Variants in CRLF3 observed in about 807,000 individuals in gnomAD.
The protein encoded by CRLF3 is cytokine receptor like factor 3, also known as cytokine receptor-like factor 3.
A neutral mutation model predicts 55.0 loss-of-function variants in CRLF3; 33 were observed. That is an observed-to-expected ratio of 0.60 (90% CI 0.46 to 0.80). CRLF3 has a LOEUF of 0.80. Among genes scored for constraint, CRLF3 ranks in the 30% least tolerant of loss-of-function variants. The pLI is 0.00. For synonymous variants in CRLF3, 238 were observed against 196.8 expected (o/e 1.21, Z -1.75); for missense variants, 494 against 538.4 (o/e 0.92, Z 0.82).
Position 30,793,619 on chromosome 17 carries a change from A to T in CRLF3, c.657T>A (p.Thr219=), listed in dbSNP as rs777368003. Residue 219 remains threonine (T), a synonymous_variant, in exon 5 of 8, where the codon ACT becomes ACA. Coordinates refer to ENST00000324238, the MANE Select transcript of CRLF3 (RefSeq NM_015986.4). The part of the protein sequence containing the change: ...QDYRLQFRKC[T]SNHFEDVYVG... ...CATATACATCCTCAAAATGATTTGA[A>T]GTACATTTACGAAACTGGAGCCTGT... is the stretch of plus-strand genomic sequence containing the variant. 114 of 1,613,994 alleles carry T rather than the reference A, an allele frequency of 7.1e-5. 3 individuals are homozygous for T. In the South Asian group the frequency reaches 1.2e-3, roughly 17 times the overall value.
In CRLF3 at chr17:30,783,413, T is replaced by TC. The variant is rs1396933243; in HGVS notation, c.*773dup. 1.3e-5 allele frequency: 2 copies of TC among 151,860 alleles called. No individual in the cohort carries two copies. The highest frequency in any genetic ancestry group is 2.9e-5 in the Non-Finnish European group (2 of 68,010). 9.4% of individuals were successfully genotyped at this position (151,860 alleles called of 1,614,324 possible). A position where few individuals can be genotyped will look rare whatever the true frequency, so the allele number is the denominator to read the frequency against. On this transcript the variant is annotated 3_prime_UTR_variant, in exon 8 of 8. Transcript: ENST00000324238. The stretch of plus-strand genomic sequence containing the variant: ...GGGTGGAACACCTGAGGTCAGGAGT[T>TC]CAAGACCAGCCTGGCCAACATGGTG...
At chr17:30,824,401 G>T in intron 1 of CRLF3, 122 bp downstream of exon 1, 1 of 905,894 alleles carries the variant, frequency 1.1e-6, no homozygotes, top group Non-Finnish European at 1.5e-6. Context: ...CCTTTCAAAT[G>T]AATGCCTCTT....
At chr17:30,790,555 G>GTTAATGAT (rs1971769826) in intron 6 of CRLF3, 1 of 140,322 alleles carries the variant, frequency 7.1e-6, no homozygotes, top group South Asian at 2.3e-4. Context: ...AAGACTTGCT[G>GTTAATGAT]TTAATGATTC....
Position 30,783,031 on chromosome 17 carries a change from AAT to A in CRLF3, c.*1154_*1155del, listed in dbSNP as rs1160674819. On this transcript the variant is annotated 3_prime_UTR_variant, in exon 8 of 8. Transcript: ENST00000324238. ...CAAATTTAAGTAAGTTTTTAAAAAAAATAAGTATTTACGCTATATTTTTTTGC... is the reference window on the plus strand; with the variant it reads ...CAAATTTAAGTAAGTTTTTAAAAAAAAAGTATTTACGCTATATTTTTTTGC... 1 of 152,200 alleles carries A rather than the reference AAT, an allele frequency of 6.6e-6. No individual in the cohort carries two copies. Among genetic ancestry groups the A allele is most frequent in the East Asian group, 1.9e-4 (1 of 5,206 alleles). 9.4% of individuals were successfully genotyped at this position (152,200 alleles called of 1,614,324 possible).
chr17:30,784,134 G>A lies in CRLF3; in HGVS notation c.*53C>T. 1.3e-6 allele frequency: 2 copies of A among 1,533,766 alleles called. No individual in the cohort carries two copies. Among genetic ancestry groups the A allele is most frequent in the South Asian group, 2.4e-5 (2 of 82,784 alleles). ...TTTTAAAGCAATTACAACTACGCTG[G>A]GCTGAGGACAGCTACGTTAGACCCT... On this transcript the variant is annotated 3_prime_UTR_variant, in exon 8 of 8. Coordinates refer to ENST00000324238, the MANE Select transcript of CRLF3 (RefSeq NM_015986.4).
intron 2 of CRLF3, among the ~76,000 whole-genome samples, chr17:30,798,335 G>A (rs1023577117): frequency 1.3e-5 from 2 of 151,680 alleles, no homozygotes; most frequent in Non-Finnish European, 2.9e-5. Flanking sequence ...CCGAGATCAC[G>A]CCACTGCACT....
chr17:30,789,984 G>GTATT (rs1419388937), intron 6 of CRLF3, among the ~76,000 whole-genome samples: 1 of 151,750 alleles, frequency 6.6e-6, no homozygotes, highest in Non-Finnish European at 1.5e-5. Context: ...TAGATTTTAG[G>GTATT]TATTAGTTGT....
Position 30,783,997 on chromosome 17 carries a change from T to A in CRLF3, c.*190A>T. 3.7e-6 allele frequency: 2 copies of A among 541,540 alleles called. No homozygotes were observed. Among genetic ancestry groups the A allele is most frequent in the Non-Finnish European group, 6.5e-6 (2 of 307,684 alleles). The allele number at this position is 541,540 out of a possible 1,614,324, so 33.5% of individuals were successfully genotyped here. A position where few individuals can be genotyped will look rare whatever the true frequency, so the allele number is the denominator to read the frequency against. ...ACAGTATGCTAAAAATAAAATTGACTGAATTGTATGATTTTGTCCACAACA... is the reference window on the plus strand; with the variant it reads ...ACAGTATGCTAAAAATAAAATTGACAGAATTGTATGATTTTGTCCACAACA... On this transcript the variant is annotated 3_prime_UTR_variant, in exon 8 of 8. Coordinates refer to ENST00000324238, the MANE Select transcript of CRLF3 (RefSeq NM_015986.4).
At chr17:30,820,447 G>A (rs1368731625) in intron 1 of CRLF3, among the ~76,000 whole-genome samples, 1 of 152,106 alleles carries the variant, frequency 6.6e-6, no homozygotes, top group Non-Finnish European at 1.5e-5. Context: ...CCAGTACTTT[G>A]GGAGGCCGAG....
rs748397239 is a variant in CRLF3, at chr17:30,784,373, C to T, written c.1143G>A (p.Thr381=). The change falls in exon 8 of 8, where the codon ACG becomes ACA. Residue 381 remains threonine (T), a synonymous_variant. Transcript: ENST00000324238. ...CTAGAGTCACGGCTTCAATGTCAAA[C>T]GTGACAGTGGACCCAGAAGTAACTG... ...LPAVTSGSTV[T]FDIEAVTLGT... is the part of the protein sequence containing the mutation. The T allele has an allele frequency of 1.1e-5, 17 of 1,613,694 alleles. No individual in the cohort carries two copies. Among genetic ancestry groups the T allele is most frequent in the South Asian group, 2.2e-5 (2 of 91,072 alleles).
intron 2 of CRLF3, among the ~76,000 whole-genome samples, chr17:30,797,775 GTT>G (rs747340532): frequency 1.2e-4 from 15 of 128,114 alleles, no homozygotes; most frequent in African/African-American, 8.7e-5. Context: ...GGGATAGGGT[GTT>G]TTTTTTTTTT....
At position 30,817,884 on chromosome 17, in the gene CRLF3, G is replaced by A. The variant is rs375129746; in HGVS notation, c.129+6639C>T. Among the ~76,000 whole-genome samples the A allele has an allele frequency of 8.1e-5, 10 of 123,918 alleles. No individual in the cohort carries two copies. In the East Asian group the frequency reaches 1.2e-3, roughly 15 times the overall value. The allele number at this position is 123,918 out of a possible 152,430, so 81.3% of individuals were successfully genotyped here. A position where few individuals can be genotyped will look rare whatever the true frequency, so the allele number is the denominator to read the frequency against. On this transcript the variant is annotated intron_variant, in intron 1 of 7. Transcript: ENST00000324238. ...TGGCGCCACTGCACTCCAGCATGGCGACAGAGTGAGACTCCATCCCAAAAA... is the reference window on the plus strand; with the variant it reads ...TGGCGCCACTGCACTCCAGCATGGCAACAGAGTGAGACTCCATCCCAAAAA...
rs866295699 is a variant in CRLF3 at position 30,822,496 on chromosome 17, C to G, written c.129+2027G>C. On this transcript the variant is annotated intron_variant, in intron 1 of 7. Transcript: ENST00000324238. The stretch of plus-strand genomic sequence containing the variant: ...AGTCAGAAGGCAATGTCATCAGGAA[C>G]CTAATTGTGATCGATGTTCATTTAG... Among the ~76,000 whole-genome samples, 6 of 152,184 alleles carry G rather than the reference C, an allele frequency of 3.9e-5. No individual in the cohort carries two copies. The South Asian group carries it at 1.0e-3, about 26-fold the overall frequency.
chr17:30,822,197 A>G (rs761057840), intron 1 of CRLF3, among the ~76,000 whole-genome samples: 1 of 152,188 alleles, frequency 6.6e-6, no homozygotes, highest in Non-Finnish European at 1.5e-5. Flanking sequence ...ATCCTTGACT[A>G]AAGTGCCATA....
At chr17:30,805,077 C>T (rs1192258967) in intron 1 of CRLF3, among the ~76,000 whole-genome samples, 2 of 151,702 alleles carry the variant, frequency 1.3e-5, no homozygotes, top group Admixed American at 1.3e-4. Context: ...CAGCTACTTG[C>T]GAGGCTGAGG....
rs1971595896 is a variant in CRLF3, at chr17:30,784,714, CAAG to C, written c.1073-274_1073-272del. ...GCAAGACTATTTCTTATGGAATAAA[CAAG>C]AAAGAATCTTGTTCTACCGAATTCT... On this transcript the variant is annotated intron_variant, in intron 7 of 7. Coordinates refer to ENST00000324238, the MANE Select transcript of CRLF3 (RefSeq NM_015986.4). 3 of 323,544 alleles carry C rather than the reference CAAG, an allele frequency of 9.3e-6. No homozygotes were observed. In the South Asian group the frequency reaches 1.8e-4, roughly 19 times the overall value. The allele number at this position is 323,544 out of a possible 1,614,324, so 20.0% of individuals were successfully genotyped here.
At position 30,783,945 on chromosome 17, in the gene CRLF3, T is replaced by A; in HGVS notation, c.*242A>T. The A allele has an allele frequency of 2.3e-6, 1 of 433,776 alleles. No individual in the cohort carries two copies. The highest frequency in any genetic ancestry group is 3.6e-5 in the South Asian group (1 of 27,724). 26.9% of individuals were successfully genotyped at this position (433,776 alleles called of 1,614,324 possible). Reference sequence around the variant, plus strand: ...TATCTTCTATACTTTTAATGCCAATTTGATTTTTATTGTGATGTGATATTT... The same window carrying A: ...TATCTTCTATACTTTTAATGCCAATATGATTTTTATTGTGATGTGATATTT... On this transcript the variant is annotated 3_prime_UTR_variant, in exon 8 of 8. Coordinates refer to ENST00000324238, the MANE Select transcript of CRLF3 (RefSeq NM_015986.4).
At chr17:30,800,439 T>C (rs1567663810) in intron 2 of CRLF3, among the ~76,000 whole-genome samples, 1 of 152,150 alleles carries the variant, frequency 6.6e-6, no homozygotes, top group African/African-American at 2.4e-5. Context: ...AGCACCCGCC[T>C]TCTCCTTCAA....
At chr17:30,802,801 A>G (rs1972028839) in intron 2 of CRLF3, among the ~76,000 whole-genome samples, 1 of 152,202 alleles carries the variant, frequency 6.6e-6, no homozygotes, top group African/African-American at 2.4e-5. Context: ...GCAGCAGGGC[A>G]TGACTCAATG....
Sources: allele counts gnomAD v4.1 joint callset (sites outside exome capture counted in the v4.1 genomes callset), GRCh38; gene constraint gnomAD v4.1.1; transcripts MANE v1.5; gene names NCBI Gene and HGNC (gene_info 2026-07-23, HGNC 2026-07-21).